Variants in PLEKHD1 observed in about 807,000 individuals in gnomAD.
The protein encoded by PLEKHD1 is pleckstrin homology and coiled-coil domain containing D1, also known as pleckstrin homology domain-containing family D member 1.
In PLEKHD1, 51 loss-of-function variants were observed where a neutral mutation model predicts 69.2. That is an observed-to-expected ratio of 0.74 (90% confidence interval 0.59 to 0.93). The LOEUF (loss-of-function observed/expected upper bound fraction) is 0.93, where lower values mean the gene tolerates loss of function less well. PLEKHD1 is among the 40% of genes least tolerant of loss of function. The pLI, the probability that PLEKHD1 is intolerant of heterozygous loss-of-function variation, is 0.00. For missense variants in PLEKHD1, 584 were observed against 641.0 expected (o/e 0.91, Z 0.96); for synonymous variants, 236 against 244.7 (o/e 0.96, Z 0.33).
At chr14:69,478,700 A>G in the PLEKHD1 span, among the ~76,000 whole-genome samples, 13 of 152,266 alleles carry the variant, frequency 8.5e-5, no homozygotes, top group Admixed American at 8.5e-4. Flanking sequence ...CAAGTTCCTC[A>G]TCTCCATCTG....
rs145249830 is a variant in PLEKHD1, at chr14:69,497,853, CTG to C, written c.150-2258_150-2257del. On this transcript the variant is annotated intron_variant, in intron 1 of 12. Transcript: ENST00000322564. The stretch of plus-strand genomic sequence containing the variant: ...TCAACCCTGAGCAGGGGCCACAGGG[CTG>C]TGTTTGTTATGTGGCCGGTCAGAGA... Among the ~76,000 whole-genome samples, 1,145 of 152,146 alleles carry C rather than the reference CTG, an allele frequency of 7.5e-3. 15 individuals are homozygous for C. Among genetic ancestry groups the C allele is most frequent in the African/African-American group, 0.026 (1,091 of 41,508 alleles).
the PLEKHD1 span, among the ~76,000 whole-genome samples, chr14:69,472,903 C>T: frequency 6.6e-6 from 1 of 152,168 alleles, no homozygotes; most frequent in South Asian, 2.1e-4. Flanking sequence ...TGCCTCCAGT[C>T]AGATCAGCGG....
intron 8 of PLEKHD1, 76 bp downstream of exon 8, chr14:69,524,398 C>A: frequency 7.9e-7 from 1 of 1,265,566 alleles, no homozygotes; most frequent in Non-Finnish European, 1.1e-6. Context: ...TTTTTTCCAG[C>A]AGTGTTTCCC....
chr14:69,502,140 G>A (rs1310337719), intron 5 of PLEKHD1: 4 of 228,148 alleles, frequency 1.8e-5, no homozygotes, highest in South Asian at 1.8e-4. Context: ...CCTTAAAATC[G>A]AGTTAAAAAT....
At chr14:69,526,427 C>A (rs149873272) in intron 9 of PLEKHD1, among the ~76,000 whole-genome samples, 55 of 152,212 alleles carry the variant, frequency 3.6e-4, no homozygotes, top group African/African-American at 1.2e-3. Context: ...GGAAATGGAG[C>A]CTCAGGGGGG....
intron 6 of PLEKHD1, among the ~76,000 whole-genome samples, chr14:69,509,205 T>C (rs1431546202): frequency 6.6e-6 from 1 of 152,212 alleles, no homozygotes; most frequent in African/African-American, 2.4e-5. Flanking sequence ...TCTGGGTCTT[T>C]TGCCCATTTT....
At chr14:69,525,850 G>A in intron 8 of PLEKHD1, 94 bp from the exon 9 acceptor site, 1 of 1,211,432 alleles carries the variant, frequency 8.3e-7, no homozygotes. Flanking sequence ...TGAGAGAGGA[G>A]TGGGTCACTC....
chr14:69,515,225 A>G (rs1348826175), intron 6 of PLEKHD1, among the ~76,000 whole-genome samples: 6 of 152,108 alleles, frequency 3.9e-5, no homozygotes, highest in Non-Finnish European at 4.4e-5. Context: ...ACAAACAAAA[A>G]AACAGAATGC....
chr14:69,471,091 T>G, the PLEKHD1 span, among the ~76,000 whole-genome samples: 5 of 7,852 alleles, frequency 6.4e-4, no homozygotes, highest in East Asian at 0.02. Flanking sequence ...GTGCCTGGCC[T>G]TTTTTTTTTT....
chr14:69,481,617 A>G (rs1167649731), upstream of PLEKHD1, among the ~76,000 whole-genome samples: 3 of 152,162 alleles, frequency 2.0e-5, no homozygotes, highest in Non-Finnish European at 4.4e-5. Flanking sequence ...GACCTATATC[A>G]TGTTCTGGGA....
In PLEKHD1 at chr14:69,528,605, C is replaced by A. The variant is rs1883719626; in HGVS notation, c.*186C>A. On this transcript the variant is annotated 3_prime_UTR_variant, in exon 13 of 13. Coordinates refer to ENST00000322564, the MANE Select transcript of PLEKHD1 (RefSeq NM_001161498.2). ...AGGACATGGACGCTGCCTTCCTCAT[C>A]CTCACCCCACACCCCACCTTTGGGT... is the stretch of plus-strand genomic sequence containing the variant. The A allele has an allele frequency of 3.9e-6, 3 of 778,198 alleles. No individual in the cohort carries two copies. The highest frequency in any genetic ancestry group is 4.0e-6 in the Non-Finnish European group (2 of 500,746). The allele number at this position is 778,198 out of a possible 1,614,324, so 48.2% of individuals were successfully genotyped here. A position where few individuals can be genotyped will look rare whatever the true frequency, so the allele number is the denominator to read the frequency against.
the PLEKHD1 span, among the ~76,000 whole-genome samples, chr14:69,471,357 C>G: frequency 9.2e-5 from 14 of 151,478 alleles, no homozygotes; most frequent in African/African-American, 3.4e-4. Flanking sequence ...GGGATCCTCC[C>G]GTCTTGACCT....
intron 6 of PLEKHD1, among the ~76,000 whole-genome samples, chr14:69,510,802 G>C (rs777042718): frequency 2.0e-5 from 3 of 152,154 alleles, no homozygotes; most frequent in Non-Finnish European, 4.4e-5. Flanking sequence ...GAGAAGCACT[G>C]GTGAGAAGGG....
At chr14:69,524,093 G>C (rs1594993328) in intron 7 of PLEKHD1, 136 bp from the exon 8 acceptor site, 2 of 668,622 alleles carry the variant, frequency 3.0e-6, no homozygotes, top group South Asian at 3.8e-5. Context: ...GGGCCCAGCT[G>C]TGCAGAGGGG....
upstream of PLEKHD1, among the ~76,000 whole-genome samples, chr14:69,483,479 G>T (rs1413250556): frequency 6.6e-6 from 1 of 152,128 alleles, no homozygotes; most frequent in Non-Finnish European, 1.5e-5. Flanking sequence ...TTGTTGGGGG[G>T]CTGATTGACT....
Position 69,527,206 on chromosome 14 carries a change from A to G in PLEKHD1, c.1075A>G (p.Met359Val). Residue 359 changes from methionine (M) to valine (V), a missense_variant, in exon 11 of 13, where the codon ATG becomes GTG. Physicochemically the swap from Met to Val is conservative, Grantham distance 21. Transcript: ENST00000322564. ...ACCTCAGGCTGAGGTGAAGGTCCGC[A>G]TGGACCTGGAGAGGCGTCTCCGGGA... ...RELKAEVKVR[M>V]DLERRLREAE... 7.1e-6 allele frequency: 11 copies of G among 1,550,382 alleles called. No individual in the cohort carries two copies. Among genetic ancestry groups the G allele is most frequent in the Non-Finnish European group, 9.6e-6 (11 of 1,146,456 alleles).
At chr14:69,471,180 T>G in the PLEKHD1 span, among the ~76,000 whole-genome samples, 1 of 135,736 alleles carries the variant, frequency 7.4e-6, no homozygotes, top group East Asian at 2.4e-4. Context: ...CGATCATGGC[T>G]CACTGCACCC....
the PLEKHD1 span, among the ~76,000 whole-genome samples, chr14:69,478,144 G>A: frequency 6.6e-6 from 1 of 152,368 alleles, no homozygotes; most frequent in South Asian, 2.1e-4. Context: ...ACACCATGTG[G>A]AAGTTGCCAA....
chr14:69,524,352 AGGTGGCAG>A, intron 8 of PLEKHD1, 30 bp downstream of exon 8: 2 of 1,534,866 alleles, frequency 1.3e-6, no homozygotes, highest in Non-Finnish European at 1.8e-6. Flanking sequence ...TTAGTTGACC[AGGTGGCAG>A]GCTGGTTGGT....
Sources: gnomAD v4.1 joint callset for allele counts (sites outside exome capture counted in the v4.1 genomes callset) on GRCh38, gnomAD v4.1.1 for gene constraint, MANE v1.5 for transcripts, NCBI Gene and HGNC (gene_info 2026-07-23, HGNC 2026-07-21) for gene names.